The following GALNT13 variants were observed in gnomAD, a reference collection of about 807,000 sequenced individuals.
GALNT13 encodes the protein UDP-GalNAc:polypeptide N-acetylgalactosaminyltransferase 13.
GALNT13 carries 28 observed loss-of-function variants against 64.2 expected under a neutral mutation model. That is an observed-to-expected ratio of 0.44 (90% confidence interval 0.32 to 0.60). The LOEUF (loss-of-function observed/expected upper bound fraction) is 0.60, where lower values mean the gene tolerates loss of function less well. Among genes scored for constraint, GALNT13 ranks in the 20% least tolerant of loss-of-function variants. GALNT13 has a pLI of 0.05. For missense variants in GALNT13, 577 were observed against 669.8 expected, an observed-to-expected ratio of 0.86 and a Z score of 1.53; for synonymous variants, 214 against 224.6, an observed-to-expected ratio of 0.95 and a Z score of 0.42.
At chr2:153,784,947 C>G in the GALNT13 span, among the ~76,000 whole-genome samples, 1 of 152,232 alleles carries the variant, frequency 6.6e-6, no homozygotes, top group African/African-American at 2.4e-5. Context: ...TGTCACAGTA[C>G]AGCAGCTCTG....
At chr2:154,260,133 C>T (rs538702379) in intron 8 of GALNT13, among the ~76,000 whole-genome samples, 1 of 151,912 alleles carries the variant, frequency 6.6e-6, no homozygotes, top group Admixed American at 6.6e-5. Context: ...CAATCCACCC[C>T]CCTCTGCCTC....
At chr2:153,735,422 G>A in the GALNT13 span, among the ~76,000 whole-genome samples, 1 of 152,006 alleles carries the variant, frequency 6.6e-6, no homozygotes, top group Admixed American at 6.6e-5. Flanking sequence ...TGAAAAATAG[G>A]TAAAGTTGAT....
chr2:153,641,935 A>G, the GALNT13 span, among the ~76,000 whole-genome samples: 1 of 152,014 alleles, frequency 6.6e-6, no homozygotes, highest in Non-Finnish European at 1.5e-5. Flanking sequence ...AATATATGTC[A>G]TAAAATTATT....
At chr2:154,080,016 T>C (rs1701190541) in intron 3 of GALNT13, among the ~76,000 whole-genome samples, 2 of 151,784 alleles carry the variant, frequency 1.3e-5, no homozygotes, top group South Asian at 2.1e-4. Flanking sequence ...TTGAACTTCT[T>C]CCACCCCTTT....
the GALNT13 span, among the ~76,000 whole-genome samples, chr2:153,130,730 G>T: frequency 6.6e-6 from 1 of 152,102 alleles, no homozygotes; most frequent in Non-Finnish European, 1.5e-5. Context: ...AAGATCCCTA[G>T]AAAATTATGA....
At chr2:154,106,973 G>A (rs1702651659) in intron 3 of GALNT13, among the ~76,000 whole-genome samples, 1 of 152,140 alleles carries the variant, frequency 6.6e-6, no homozygotes, top group African/African-American at 2.4e-5. Context: ...TTCCATTAGA[G>A]AGTGAGTGAG....
the GALNT13 span, among the ~76,000 whole-genome samples, chr2:153,839,776 T>C: frequency 2.6e-5 from 4 of 151,966 alleles, no homozygotes; most frequent in African/African-American, 9.7e-5. Flanking sequence ...TCTGGGCCCA[T>C]GTTAGATGAT....
At chr2:153,721,208 A>G in the GALNT13 span, among the ~76,000 whole-genome samples, 1 of 149,318 alleles carries the variant, frequency 6.7e-6, no homozygotes, top group Non-Finnish European at 1.5e-5. Flanking sequence ...ATCCAGCCAA[A>G]CTAAGCTTCA....
chr2:153,088,614 A>T, the GALNT13 span, among the ~76,000 whole-genome samples: 2 of 152,110 alleles, frequency 1.3e-5, no homozygotes, highest in Non-Finnish European at 2.9e-5. Context: ...TAGGTCTAGT[A>T]GTAATTGTTT....
chr2:153,935,798 A>G (rs1189242602), intron 2 of GALNT13, among the ~76,000 whole-genome samples: 2 of 152,214 alleles, frequency 1.3e-5, no homozygotes, highest in African/African-American at 2.4e-5. Context: ...TAGGTGACAA[A>G]CAGAGCATTA....
the GALNT13 span, among the ~76,000 whole-genome samples, chr2:153,615,747 C>G: frequency 2.6e-5 from 4 of 151,806 alleles, no homozygotes; most frequent in Admixed American, 2.6e-4. Context: ...GAAATGGAGA[C>G]GTATTCAAAT....
the GALNT13 span, among the ~76,000 whole-genome samples, chr2:153,320,119 T>G: frequency 3.3e-5 from 5 of 152,224 alleles, no homozygotes; most frequent in Non-Finnish European, 1.5e-5. Context: ...GTATTTTCTT[T>G]AAAGCTCCAC....
chr2:153,096,627 C>G, the GALNT13 span, among the ~76,000 whole-genome samples: 1 of 152,072 alleles, frequency 6.6e-6, no homozygotes, highest in Non-Finnish European at 1.5e-5. Context: ...CCTCCTTTGT[C>G]TCTTTTTATG....
chr2:153,264,455 A>G, the GALNT13 span, among the ~76,000 whole-genome samples: 1 of 152,248 alleles, frequency 6.6e-6, no homozygotes, highest in Non-Finnish European at 1.5e-5. Flanking sequence ...CCAAAGGAAT[A>G]TAAATCATTC....
chr2:153,961,036 G>A (rs1244120616), intron 3 of GALNT13, among the ~76,000 whole-genome samples: 1 of 152,072 alleles, frequency 6.6e-6, no homozygotes, highest in Admixed American at 6.5e-5. Context: ...TCATCAAAAT[G>A]TATACATCAA....
At chr2:154,391,051 G>T (rs1352751145) in intron 9 of GALNT13, among the ~76,000 whole-genome samples, 5 of 152,122 alleles carry the variant, frequency 3.3e-5, no homozygotes, top group Non-Finnish European at 7.4e-5. Context: ...TCTATCTTTA[G>T]ATAGTCTTCT....
At chr2:153,336,954 T>A in the GALNT13 span, among the ~76,000 whole-genome samples, 1 of 152,190 alleles carries the variant, frequency 6.6e-6, no homozygotes, top group Admixed American at 6.5e-5. Flanking sequence ...GATGGGTTTA[T>A]CAGGGGTTTC....
At chr2:153,203,789 C>T in the GALNT13 span, among the ~76,000 whole-genome samples, 2 of 152,100 alleles carry the variant, frequency 1.3e-5, no homozygotes, top group African/African-American at 4.8e-5. Context: ...ATATATTACT[C>T]TTATCATTTC....
intron 3 of GALNT13, among the ~76,000 whole-genome samples, chr2:154,031,453 A>G (rs1433692298): frequency 6.6e-6 from 1 of 152,064 alleles, no homozygotes; most frequent in East Asian, 1.9e-4. Flanking sequence ...ACATTAATTT[A>G]AAAACTGAAT....
Sources: gnomAD v4.1 joint callset for allele counts (sites outside exome capture counted in the v4.1 genomes callset) on GRCh38, gnomAD v4.1.1 for gene constraint, MANE v1.5 for transcripts, NCBI Gene and HGNC (gene_info 2026-07-23, HGNC 2026-07-21) for gene names.